MACROD2: variants seen among roughly 807,000 people sequenced by gnomAD.
MACROD2 encodes the protein mono-ADP ribosylhydrolase 2.
Under a neutral mutation model 70.4 loss-of-function variants are expected in MACROD2, and 36 were observed. That is an observed-to-expected ratio of 0.51 (90% CI 0.39 to 0.68). The LOEUF (loss-of-function observed/expected upper bound fraction) is 0.68. Among genes scored for constraint, MACROD2 ranks in the 30% least tolerant of loss-of-function variants. The pLI is 0.00. For missense variants in MACROD2, 496 were observed against 538.4 expected, an observed-to-expected ratio of 0.92 and a Z score of 0.78; for synonymous variants, 172 against 178.8, an observed-to-expected ratio of 0.96 and a Z score of 0.30.
chr20:15,504,015 C>A (rs1254889492), intron 8 of MACROD2, among the ~76,000 whole-genome samples: 2 of 152,156 alleles, frequency 1.3e-5, no homozygotes, highest in Non-Finnish European at 2.9e-5. Flanking sequence ...TGAGCTTTTA[C>A]ATTTCACCAT....
At chr20:15,230,091 C>T (rs2076946681) in intron 6 of MACROD2, 30 bp downstream of exon 6, 2 of 1,601,746 alleles carry the variant, frequency 1.2e-6, no homozygotes, top group Non-Finnish European at 8.5e-7. Context: ...TTATTTCTCA[C>T]TCTTTTTCAA....
intron 5 of MACROD2, among the ~76,000 whole-genome samples, chr20:14,819,826 G>T (rs1447283060): frequency 6.6e-6 from 1 of 152,074 alleles, no homozygotes; most frequent in Non-Finnish European, 1.5e-5. Flanking sequence ...AATGTGGCTG[G>T]GACATTGAGT....
At chr20:15,402,373 A>C (rs1353722791) in intron 6 of MACROD2, among the ~76,000 whole-genome samples, 1 of 152,236 alleles carries the variant, frequency 6.6e-6, no homozygotes, top group Admixed American at 6.5e-5. Flanking sequence ...AACTATAATA[A>C]ATGCAATTAA....
chr20:15,993,846 T>G (rs1329114179), intron 15 of MACROD2, among the ~76,000 whole-genome samples: 1 of 152,204 alleles, frequency 6.6e-6, no homozygotes, highest in Non-Finnish European at 1.5e-5. Flanking sequence ...ACTACAAGTT[T>G]TCTACATGTT....
chr20:14,652,494 T>C (rs1985728954), intron 4 of MACROD2, among the ~76,000 whole-genome samples: 2 of 152,182 alleles, frequency 1.3e-5, no homozygotes, highest in African/African-American at 2.4e-5. Flanking sequence ...AGATTGACTA[T>C]TGAATTTAAT....
intron 6 of MACROD2, among the ~76,000 whole-genome samples, chr20:15,304,277 C>G (rs6034151): frequency 0.14 from 21,309 of 152,080 alleles, 1,574 homozygotes; most frequent in Middle Eastern, 0.21. Flanking sequence ...GACCATGGGA[C>G]TGGTAGCAAT....
intron 5 of MACROD2, among the ~76,000 whole-genome samples, chr20:14,968,577 G>T (rs922609522): frequency 6.6e-6 from 1 of 152,182 alleles, no homozygotes; most frequent in African/African-American, 2.4e-5. Context: ...GTTGGCTTGG[G>T]GCAGGGTTAT....
intron 5 of MACROD2, among the ~76,000 whole-genome samples, chr20:14,926,121 A>C (rs1025319823): frequency 6.6e-6 from 1 of 152,210 alleles, no homozygotes; most frequent in Non-Finnish European, 1.5e-5. Flanking sequence ...TCTTTTTCCC[A>C]GGCTGTCCTG....
intron 4 of MACROD2, among the ~76,000 whole-genome samples, chr20:14,619,101 A>G (rs1047375181): frequency 2.6e-5 from 4 of 151,978 alleles, no homozygotes; most frequent in Non-Finnish European, 4.4e-5. Flanking sequence ...TGCACATACT[A>G]TGTAAAGATA....
intron 8 of MACROD2, among the ~76,000 whole-genome samples, chr20:15,747,774 T>C (rs944498655): frequency 4.6e-5 from 7 of 152,164 alleles, no homozygotes; most frequent in African/African-American, 1.7e-4. Context: ...CTTTCCAATT[T>C]GTATACCCTT....
At chr20:14,803,233 C>T (rs2122147281) in intron 5 of MACROD2, among the ~76,000 whole-genome samples, 1 of 152,128 alleles carries the variant, frequency 6.6e-6, no homozygotes, top group African/African-American at 2.4e-5. Context: ...AAGCTGGCTG[C>T]AGTGTAAGCA....
intron 5 of MACROD2, among the ~76,000 whole-genome samples, chr20:14,777,667 A>G (rs1030114631): frequency 3.9e-5 from 6 of 152,084 alleles, no homozygotes; most frequent in African/African-American, 1.5e-4. Flanking sequence ...ACAACTAATG[A>G]TTAGGTAACT....
intron 4 of MACROD2, among the ~76,000 whole-genome samples, chr20:14,604,841 A>C (rs1417974767): frequency 6.6e-6 from 1 of 152,170 alleles, no homozygotes; most frequent in African/African-American, 2.4e-5. Flanking sequence ...AGATCCCCTC[A>C]TACTTCATAT....
At chr20:15,773,326 G>T (rs1320131958) in intron 8 of MACROD2, among the ~76,000 whole-genome samples, 1 of 151,990 alleles carries the variant, frequency 6.6e-6, no homozygotes, top group African/African-American at 2.4e-5. Flanking sequence ...GAAATATGAT[G>T]ATTCAGTGTT....
chr20:15,528,336 T>C (rs536790091), intron 8 of MACROD2, among the ~76,000 whole-genome samples: 1 of 152,306 alleles, frequency 6.6e-6, no homozygotes, highest in South Asian at 2.1e-4. Flanking sequence ...GGTTTCACCA[T>C]ATTGGTCAGG....
chr20:15,116,733 G>A (rs2075994527), intron 5 of MACROD2, among the ~76,000 whole-genome samples: 1 of 152,132 alleles, frequency 6.6e-6, no homozygotes, highest in African/African-American at 2.4e-5. Context: ...TAAGAATACA[G>A]TATATAATAC....
intron 8 of MACROD2, among the ~76,000 whole-genome samples, chr20:15,645,235 A>G (rs2049523128): frequency 1.3e-5 from 2 of 152,186 alleles, no homozygotes; most frequent in Admixed American, 6.5e-5. Flanking sequence ...ATTACAGTCA[A>G]TGACCCAGAG....
intron 11 of MACROD2, among the ~76,000 whole-genome samples, chr20:15,935,577 G>A (rs969048648): frequency 6.6e-6 from 1 of 152,114 alleles, no homozygotes; most frequent in Non-Finnish European, 1.5e-5. Flanking sequence ...CCTCTTACAC[G>A]TCATGAAAAA....
intron 8 of MACROD2, among the ~76,000 whole-genome samples, chr20:15,723,096 G>A (rs2050810990): frequency 6.6e-6 from 1 of 151,972 alleles, no homozygotes; most frequent in Admixed American, 6.6e-5. Flanking sequence ...TCTTTTAAAT[G>A]CAGTTTACCA....
Sources: gnomAD v4.1 joint callset for allele counts (sites outside exome capture counted in the v4.1 genomes callset) on GRCh38, gnomAD v4.1.1 for gene constraint, MANE v1.5 for transcripts, NCBI Gene and HGNC (gene_info 2026-07-23, HGNC 2026-07-21) for gene names.